Variants in CDH4 observed in about 807,000 individuals in gnomAD.
The protein encoded by CDH4 is cadherin-4.
In CDH4, 33 loss-of-function variants were observed where a neutral mutation model predicts 86.0. The observed-to-expected ratio is 0.38, with a 90% CI of 0.29 to 0.51. The LOEUF (loss-of-function observed/expected upper bound fraction) is 0.51. Among genes scored for constraint, CDH4 ranks in the 20% least tolerant of loss-of-function variants. The pLI, the probability that CDH4 is intolerant of heterozygous loss-of-function variation, is 0.86. For synonymous variants in CDH4, 555 were observed against 549.4 expected, an observed-to-expected ratio of 1.01 and a Z score of -0.14; for missense variants, 1,114 against 1,307.4, an observed-to-expected ratio of 0.85 and a Z score of 2.28.
intron 2 of CDH4, among the ~76,000 whole-genome samples, chr20:61,492,621 T>C (rs1307802057): frequency 6.6e-6 from 1 of 152,136 alleles, no homozygotes; most frequent in Non-Finnish European, 1.5e-5. Flanking sequence ...TGGCATGCTT[T>C]GTGTCAGGCG....
intron 3 of CDH4, among the ~76,000 whole-genome samples, chr20:61,768,266 T>G (rs2088725044): frequency 6.6e-6 from 1 of 152,196 alleles, no homozygotes; most frequent in South Asian, 2.1e-4. Context: ...AACACACATG[T>G]ATTCATACAT....
At chr20:61,408,177 C>G (rs1008168613) in intron 2 of CDH4, among the ~76,000 whole-genome samples, 4 of 152,164 alleles carry the variant, frequency 2.6e-5, no homozygotes, top group Non-Finnish European at 5.9e-5. Context: ...TGAGATTACA[C>G]TTCATGCTCA....
chr20:61,400,040 G>T (rs898480887), intron 2 of CDH4, among the ~76,000 whole-genome samples: 1 of 152,192 alleles, frequency 6.6e-6, no homozygotes. Flanking sequence ...CTTACAGCTG[G>T]GCAGCACGTT....
At chr20:61,277,044 C>T (rs183947116) in intron 2 of CDH4, among the ~76,000 whole-genome samples, 16 of 152,340 alleles carry the variant, frequency 1.1e-4, no homozygotes, top group Admixed American at 3.3e-4. Flanking sequence ...CCCTGTCACA[C>T]GCCCACCCCC....
intron 4 of CDH4, among the ~76,000 whole-genome samples, chr20:61,803,866 A>G (rs539192672): frequency 2.0e-5 from 3 of 152,192 alleles, no homozygotes; most frequent in South Asian, 4.1e-4. Flanking sequence ...GGACAGGAGA[A>G]ACGAGAACAG....
At chr20:61,493,707 C>T (rs1366989313) in intron 2 of CDH4, among the ~76,000 whole-genome samples, 1 of 152,202 alleles carries the variant, frequency 6.6e-6, no homozygotes. Flanking sequence ...CTTCCTCTCC[C>T]CTCCTCTCAT....
At chr20:61,396,756 C>T (rs1288854087) in intron 2 of CDH4, among the ~76,000 whole-genome samples, 2 of 152,168 alleles carry the variant, frequency 1.3e-5, no homozygotes, top group African/African-American at 4.8e-5. Flanking sequence ...TTCAATCAGT[C>T]GCCATAGGCA....
intron 2 of CDH4, among the ~76,000 whole-genome samples, chr20:61,351,369 A>G (rs1233886045): frequency 2.0e-5 from 3 of 152,222 alleles, no homozygotes; most frequent in Admixed American, 6.5e-5. Context: ...CCTGGATTCT[A>G]CGCACACACT....
At chr20:61,565,269 G>GCGGTGC (rs2086275769) in intron 2 of CDH4, among the ~76,000 whole-genome samples, 1 of 109,332 alleles carries the variant, frequency 9.1e-6, no homozygotes, top group African/African-American at 3.4e-5. Flanking sequence ...GGTGGTGGTG[G>GCGGTGC]TCCTCTTGGT....
At chr20:61,524,352 C>G (rs971853649) in intron 2 of CDH4, among the ~76,000 whole-genome samples, 1 of 152,154 alleles carries the variant, frequency 6.6e-6, no homozygotes, top group African/African-American at 2.4e-5. Flanking sequence ...CACCTGCATT[C>G]GTGCGATTGT....
chr20:61,526,173 C>T (rs1047734284), intron 2 of CDH4, among the ~76,000 whole-genome samples: 2 of 150,734 alleles, frequency 1.3e-5, no homozygotes, highest in Admixed American at 6.6e-5. Context: ...GGTGCCCCTC[C>T]CCCTCCCCGG....
rs185158403 is a variant in CDH4 at position 61,461,625 on chromosome 20, C to T, written c.169+206688C>T. On this transcript the variant is annotated intron_variant, in intron 2 of 15. Transcript: ENST00000614565. The stretch of plus-strand genomic sequence containing the variant: ...GAGTGGGAGGGGAGGTGGCCCGCAA[C>T]GGGGGAGTGAGGGGCGATTACATTT... 4.6e-3 allele frequency among the ~76,000 whole-genome samples: 699 copies of T among 152,132 alleles called. 9 individuals carry two copies. Among genetic ancestry groups the T allele is most frequent in the Admixed American group, 0.014 (209 of 15,284 alleles).
chr20:61,464,139 T>C lies in CDH4; in HGVS notation c.169+209202T>C, dbSNP rs573811064. On this transcript the variant is annotated intron_variant, in intron 2 of 15. Coordinates refer to ENST00000614565, the MANE Select transcript of CDH4 (RefSeq NM_001794.5). ...AACTTGTTGGTTTGCAATGTATCAC[T>C]TTCTAGGAAACTTGGCACGTTGGGG... Among the ~76,000 whole-genome samples, 9 of 152,292 alleles carry C rather than the reference T, an allele frequency of 5.9e-5. No homozygotes were observed. In the East Asian group the frequency reaches 1.7e-3, roughly 29 times the overall value.
chr20:61,818,879 G>T (rs1161728518), intron 4 of CDH4, among the ~76,000 whole-genome samples: 1 of 152,016 alleles, frequency 6.6e-6, no homozygotes, highest in Non-Finnish European at 1.5e-5. Context: ...AGAAGGTGAC[G>T]CATGTCGTCC....
intron 4 of CDH4, among the ~76,000 whole-genome samples, chr20:61,827,783 A>G (rs568837176): frequency 5.4e-4 from 83 of 152,306 alleles, no homozygotes; most frequent in African/African-American, 1.9e-3. Context: ...GCAAATGAAC[A>G]CTCAGAGACG....
At chr20:61,733,026 G>A (rs1327219290) in intron 2 of CDH4, among the ~76,000 whole-genome samples, 2 of 152,024 alleles carry the variant, frequency 1.3e-5, no homozygotes, top group East Asian at 1.9e-4. Context: ...CTGAAAACGG[G>A]GGTGCTCTGG....
intron 2 of CDH4, among the ~76,000 whole-genome samples, chr20:61,318,868 C>T (rs2084492555): frequency 6.6e-6 from 1 of 152,240 alleles, no homozygotes; most frequent in African/African-American, 2.4e-5. Context: ...TGCCCAGTCA[C>T]CCTCTCTGTG....
chr20:61,293,904 G>C (rs1404390392), intron 2 of CDH4, among the ~76,000 whole-genome samples: 2 of 152,176 alleles, frequency 1.3e-5, no homozygotes, highest in Non-Finnish European at 2.9e-5. Context: ...GGGTTTTGCG[G>C]GTCCACTTTG....
Position 61,416,252 on chromosome 20 carries a change from G to A in CDH4, c.169+161315G>A, listed in dbSNP as rs201668406. 1.9e-4 allele frequency among the ~76,000 whole-genome samples: 29 copies of A among 151,954 alleles called. 1 individual carries two copies. The South Asian group carries it at 2.9e-3, about 15-fold the overall frequency. On this transcript the variant is annotated intron_variant, in intron 2 of 15. Coordinates refer to ENST00000614565, the MANE Select transcript of CDH4 (RefSeq NM_001794.5). Reference sequence around the variant, plus strand: ...CCTGACCTCATGATCCACCCACCTCGGCCTCCCAAAGTGCTGGGATTACAG... The same window carrying A: ...CCTGACCTCATGATCCACCCACCTCAGCCTCCCAAAGTGCTGGGATTACAG...
Sources: gnomAD v4.1 joint callset for allele counts (sites outside exome capture counted in the v4.1 genomes callset) on GRCh38, gnomAD v4.1.1 for gene constraint, MANE v1.5 for transcripts, NCBI Gene and HGNC (gene_info 2026-07-23, HGNC 2026-07-21) for gene names.